COP1: variants seen among roughly 807,000 people sequenced by gnomAD.
COP1 encodes the protein COP1 E3 ubiquitin ligase, also known as E3 ubiquitin-protein ligase COP1.
A neutral mutation model predicts 101.3 loss-of-function variants in COP1; 24 were observed. The observed-to-expected ratio is 0.24, with a 90% CI of 0.17 to 0.33. The LOEUF is 0.33. COP1 is among the 10% of genes least tolerant of loss of function. The pLI, the probability that COP1 is intolerant of heterozygous loss-of-function variation, is 1.00. For synonymous variants in COP1, 347 were observed against 341.9 expected, an observed-to-expected ratio of 1.01 and a Z score of -0.17; for missense variants, 663 against 906.2, an observed-to-expected ratio of 0.73 and a Z score of 3.45.
intron 6 of COP1, among the ~76,000 whole-genome samples, chr1:176,142,519 G>T (rs912805639): frequency 2.0e-5 from 3 of 151,996 alleles, no homozygotes; most frequent in South Asian, 2.1e-4. Context: ...AGGAAAGGAA[G>T]ACCTGGTATG....
chr1:176,204,270 T>C (rs1009961722), intron 1 of COP1, among the ~76,000 whole-genome samples: 5 of 152,208 alleles, frequency 3.3e-5, no homozygotes, highest in African/African-American at 1.2e-4. Context: ...CATCACAGAA[T>C]TGTTCTAAGG....
chr1:176,079,702 A>G (rs987760111), intron 11 of COP1, among the ~76,000 whole-genome samples: 1 of 152,184 alleles, frequency 6.6e-6, no homozygotes, highest in African/African-American at 2.4e-5. Flanking sequence ...AACATGGAAA[A>G]AAGTAATAAA....
intron 15 of COP1, among the ~76,000 whole-genome samples, chr1:176,002,045 A>G (rs181927581): frequency 3.9e-5 from 6 of 152,212 alleles, no homozygotes; most frequent in African/African-American, 7.2e-5. Context: ...CCGCCTTTCA[A>G]GAGTTTCAAT....
intron 11 of COP1, among the ~76,000 whole-genome samples, chr1:176,080,609 A>G (rs781170000): frequency 5.3e-5 from 8 of 152,190 alleles, no homozygotes; most frequent in Non-Finnish European, 1.0e-4. Context: ...AGATATTAAG[A>G]GAATAATAAG....
At chr1:176,148,139 A>C (rs1294188285) in intron 6 of COP1, among the ~76,000 whole-genome samples, 1 of 152,206 alleles carries the variant, frequency 6.6e-6, no homozygotes, top group Non-Finnish European at 1.5e-5. Flanking sequence ...GTTAGTAGGA[A>C]TATTAAAATC....
chr1:176,073,155 C>T (rs1373927935), intron 11 of COP1, among the ~76,000 whole-genome samples: 1 of 152,044 alleles, frequency 6.6e-6, no homozygotes, highest in Non-Finnish European at 1.5e-5. Context: ...TATCTTGCTA[C>T]CCAGGGTTGA....
chr1:175,985,367 T>C (rs1656858401), intron 18 of COP1, among the ~76,000 whole-genome samples: 1 of 152,224 alleles, frequency 6.6e-6, no homozygotes. Context: ...AGCACTTAGA[T>C]GATCTTATCT....
chr1:175,972,461 ATTTT>A (rs35491036), intron 18 of COP1, among the ~76,000 whole-genome samples: 1 of 130,002 alleles, frequency 7.7e-6, no homozygotes. Flanking sequence ...AAATACAAGA[ATTTT>A]TTTTTTTTTT....
chr1:175,960,665 A>G (rs1273350806), intron 18 of COP1, among the ~76,000 whole-genome samples: 1 of 152,224 alleles, frequency 6.6e-6, no homozygotes, highest in African/African-American at 2.4e-5. Flanking sequence ...TAACATCAAA[A>G]GCAACTCCAC....
intron 14 of COP1, 36 bp downstream of exon 14, chr1:176,043,150 G>T (rs767365961): frequency 7.2e-5 from 92 of 1,276,708 alleles, no homozygotes; most frequent in Non-Finnish European, 1.0e-4. Flanking sequence ...GAGGGCCAGG[G>T]AGAAGGAGGT....
intron 6 of COP1, among the ~76,000 whole-genome samples, chr1:176,138,688 C>G (rs1690178958): frequency 6.6e-6 from 1 of 152,048 alleles, no homozygotes; most frequent in Admixed American, 6.6e-5. Context: ...ATTAGTCTTC[C>G]ACCCTAAAAT....
chr1:176,074,607 TTGTTTAGGTCTTCCTAAGAA>T (rs1476114801), intron 11 of COP1, among the ~76,000 whole-genome samples: 3 of 152,148 alleles, frequency 2.0e-5, no homozygotes, highest in Non-Finnish European at 4.4e-5. Context: ...AACTAAGATC[TTGTTTAGGTCTTCCTAAGAA>T]TGTATTTCTG....
intron 11 of COP1, among the ~76,000 whole-genome samples, chr1:176,048,213 TACAG>T (rs1671855467): frequency 6.8e-6 from 1 of 147,350 alleles, no homozygotes. Flanking sequence ...TTTTTTTTTT[TACAG>T]AGATGGGGTC....
intron 6 of COP1, among the ~76,000 whole-genome samples, chr1:176,138,826 C>A (rs1690199162): frequency 6.6e-6 from 1 of 152,134 alleles, no homozygotes; most frequent in African/African-American, 2.4e-5. Flanking sequence ...CCTTTGGGTT[C>A]ATGGACATTT....
intron 8 of COP1, 79 bp downstream of exon 8, chr1:176,134,931 G>T: frequency 9.6e-7 from 1 of 1,045,450 alleles, no homozygotes. Flanking sequence ...ACACTGCATG[G>T]AAAAGGCTCC....
At chr1:176,018,559 C>T (rs1278410290) in intron 15 of COP1, 1 of 151,980 alleles carries the variant, frequency 6.6e-6, no homozygotes, top group Non-Finnish European at 1.5e-5. Flanking sequence ...GCCATCTTTT[C>T]CTACTCTCAA....
intron 14 of COP1, among the ~76,000 whole-genome samples, chr1:176,031,075 AT>A (rs1291419364): frequency 1.3e-5 from 2 of 152,070 alleles, no homozygotes; most frequent in African/African-American, 4.8e-5. Context: ...ACAAGAAATA[AT>A]TTTTCCCCAG....
At chr1:176,147,304 T>C (rs1307657430) in intron 6 of COP1, among the ~76,000 whole-genome samples, 1 of 152,190 alleles carries the variant, frequency 6.6e-6, no homozygotes, top group Non-Finnish European at 1.5e-5. Flanking sequence ...CTTATTATAA[T>C]TACAAATCAC....
At chr1:176,130,787 AC>A (rs1270201173) in intron 8 of COP1, among the ~76,000 whole-genome samples, 2 of 151,824 alleles carry the variant, frequency 1.3e-5, no homozygotes, top group Non-Finnish European at 3.0e-5. Flanking sequence ...TAAGAAAAAA[AC>A]AATACTCACA....
Sources: allele counts gnomAD v4.1 joint callset (sites outside exome capture counted in the v4.1 genomes callset), GRCh38; gene constraint gnomAD v4.1.1; transcripts MANE v1.5; gene names NCBI Gene and HGNC (gene_info 2026-07-23, HGNC 2026-07-21).